Variants in LRRIQ3 observed in about 807,000 individuals in gnomAD.
The protein encoded by LRRIQ3 is leucine-rich repeat and IQ domain-containing protein 3.
Under a neutral mutation model 59.3 loss-of-function variants are expected in LRRIQ3, and 75 were observed. The observed-to-expected ratio is 1.26, with a 90% CI of 1.05 to 1.53. The LOEUF (loss-of-function observed/expected upper bound fraction) is 1.53, where lower values mean the gene tolerates loss of function less well. Among genes scored for constraint, LRRIQ3 ranks in the 40% most tolerant of loss-of-function variants. LRRIQ3 has a pLI of 0.00. For missense variants in LRRIQ3, 831 were observed against 710.0 expected (o/e 1.17, Z -1.94); for synonymous variants, 250 against 231.3 (o/e 1.08, Z -0.73).
At chr1:74,147,844 G>A (rs1373827538) in intron 4 of LRRIQ3, among the ~76,000 whole-genome samples, 2 of 152,066 alleles carry the variant, frequency 1.3e-5, no homozygotes, top group Admixed American at 1.3e-4. Context: ...GACTTAAGAT[G>A]TTTTCAGCTA....
chr1:74,109,322 A>C, intron 5 of LRRIQ3, 72 bp downstream of exon 5: 1 of 1,036,948 alleles, frequency 9.6e-7, no homozygotes, highest in Non-Finnish European at 1.4e-6. Context: ...AAGAAATAAT[A>C]GCGCTACCTA....
intron 4 of LRRIQ3, among the ~76,000 whole-genome samples, chr1:74,151,070 T>C (rs775896805): frequency 2.7e-4 from 36 of 132,924 alleles, no homozygotes; most frequent in Non-Finnish European, 4.0e-4. Flanking sequence ...CAGGCTGGAG[T>C]GCAGTGGCGC....
intron 7 of LRRIQ3, among the ~76,000 whole-genome samples, chr1:74,029,602 G>GT (rs1437592992): frequency 3.3e-5 from 5 of 152,092 alleles, no homozygotes; most frequent in African/African-American, 1.2e-4. Context: ...TGGTATGCCA[G>GT]TATTTTATTG....
chr1:74,154,994 T>C (rs768297005), intron 4 of LRRIQ3, among the ~76,000 whole-genome samples: 8 of 152,198 alleles, frequency 5.3e-5, no homozygotes, highest in Non-Finnish European at 1.2e-4. Context: ...AGGCATTACA[T>C]CTCATTGTGT....
rs59890149 is a variant in LRRIQ3 at position 74,151,011 on chromosome 1, C to CTT, written c.707+4720_707+4721dup. ...AGAAATAGTTATTGAATGATGCTTT[C>CTT]TTTTTTTTTTTTTTTTTTTTTTTTT... On this transcript the variant is annotated intron_variant, in intron 4 of 7. Coordinates refer to ENST00000354431, the MANE Select transcript of LRRIQ3 (RefSeq NM_001105659.2). Among the ~76,000 whole-genome samples, 76 of 63,412 alleles carry CTT rather than the reference C, an allele frequency of 1.2e-3. 3 individuals are homozygous for CTT. The highest frequency in any genetic ancestry group is 3.4e-3 in the African/African-American group (63 of 18,342). 41.6% of individuals were successfully genotyped at this position (63,412 alleles called of 152,430 possible). A position where few individuals can be genotyped will look rare whatever the true frequency, so the allele number is the denominator to read the frequency against.
rs147223375 is a variant in LRRIQ3 at position 74,182,643 on chromosome 1, A to G, written c.468T>C (p.His156=). The change falls in exon 3 of 8, where the codon CAT becomes CAC. Residue 156 remains histidine, a synonymous_variant. Transcript: ENST00000354431. ...NSIWPLKALD[H]HVISDEEIIQ... is the part of the protein sequence containing the mutation. Reference sequence around the variant, plus strand: ...TTATTTCTTCATCAGAAATCACATGATGATCCAGCGCTTTGAGAGGCCATA... The same window carrying G: ...TTATTTCTTCATCAGAAATCACATGGTGATCCAGCGCTTTGAGAGGCCATA... The G allele has an allele frequency of 1.8e-5, 29 of 1,611,080 alleles. No homozygotes were observed. Among genetic ancestry groups the G allele is most frequent in the African/African-American group, 4.0e-5 (3 of 74,850 alleles).
At chr1:74,144,839 TACACAC>T (rs373958318) in intron 4 of LRRIQ3, among the ~76,000 whole-genome samples, 1 of 149,058 alleles carries the variant, frequency 6.7e-6, no homozygotes, top group Admixed American at 6.7e-5. Flanking sequence ...CATGTATGTG[TACACAC>T]ACACACACAC....
chr1:74,055,239 T>G (rs1317441313), intron 6 of LRRIQ3, among the ~76,000 whole-genome samples: 1 of 148,874 alleles, frequency 6.7e-6, no homozygotes, highest in African/African-American at 2.5e-5. Context: ...AAGGGTATGA[T>G]TCAGTGTTTT....
intron 5 of LRRIQ3, chr1:74,083,675 T>C (rs1335544799): frequency 6.6e-6 from 1 of 151,950 alleles, no homozygotes; most frequent in Non-Finnish European, 1.5e-5. Flanking sequence ...TTCAGTGCTG[T>C]TGATGTATAG....
At chr1:74,073,687 T>A (rs1248376936) in intron 6 of LRRIQ3, among the ~76,000 whole-genome samples, 1 of 151,344 alleles carries the variant, frequency 6.6e-6, no homozygotes, top group Non-Finnish European at 1.5e-5. Flanking sequence ...CCACTGGCAA[T>A]GAGGATCTAA....
At chr1:74,073,488 G>A (rs1046299018) in intron 6 of LRRIQ3, among the ~76,000 whole-genome samples, 13 of 151,332 alleles carry the variant, frequency 8.6e-5, no homozygotes, top group African/African-American at 3.2e-4. Context: ...TCAAACTTAG[G>A]TGACAGAGTG....
rs567373729 is a variant in LRRIQ3 at position 74,187,517 on chromosome 1, T to C, written c.1-3833A>G. ...ACCAAATATCATAAGTTCTCACATATAAGTGTGAGCTAAGCTGTGAGGATG... is the reference window on the plus strand; with the variant it reads ...ACCAAATATCATAAGTTCTCACATACAAGTGTGAGCTAAGCTGTGAGGATG... On this transcript the variant is annotated intron_variant, in intron 1 of 7. Transcript: ENST00000354431. 1.9e-3 allele frequency among the ~76,000 whole-genome samples: 284 copies of C among 152,036 alleles called. 1 individual carries two copies. Among genetic ancestry groups the C allele is most frequent in the African/African-American group, 6.7e-3 (277 of 41,428 alleles).
chr1:74,088,825 C>G (rs1043323479), intron 5 of LRRIQ3, among the ~76,000 whole-genome samples: 1 of 151,528 alleles, frequency 6.6e-6, no homozygotes, highest in Non-Finnish European at 1.5e-5. Flanking sequence ...TGTAAGTTTA[C>G]CAAAATAAAA....
intron 3 of LRRIQ3, among the ~76,000 whole-genome samples, chr1:74,170,181 A>G (rs963610537): frequency 6.6e-6 from 1 of 152,006 alleles, no homozygotes; most frequent in Admixed American, 6.6e-5. Flanking sequence ...TTTTAGTTTG[A>G]TGTAGTCTTA....
chr1:74,140,150 T>TA (rs533531757), intron 4 of LRRIQ3, among the ~76,000 whole-genome samples: 444 of 151,926 alleles, frequency 2.9e-3, no homozygotes, highest in African/African-American at 0.01. Flanking sequence ...AGACTGGGTT[T>TA]AAAAAATCAA....
intron 4 of LRRIQ3, among the ~76,000 whole-genome samples, chr1:74,114,593 A>G (rs978704102): frequency 2.0e-5 from 3 of 151,974 alleles, no homozygotes; most frequent in Non-Finnish European, 2.9e-5. Flanking sequence ...AAAATTAGCC[A>G]GGCGTGGTGG....
intron 1 of LRRIQ3, among the ~76,000 whole-genome samples, chr1:74,196,590 T>C (rs1651154422): frequency 6.6e-6 from 1 of 152,182 alleles, no homozygotes; most frequent in Non-Finnish European, 1.5e-5. Flanking sequence ...TTCTGGACCC[T>C]ATTACCCCAA....
At chr1:74,194,488 CT>C (rs1221084046) in intron 1 of LRRIQ3, among the ~76,000 whole-genome samples, 4 of 152,056 alleles carry the variant, frequency 2.6e-5, no homozygotes, top group East Asian at 1.9e-4. Flanking sequence ...GTAATTATAA[CT>C]TTTTTTCTTT....
At chr1:74,073,492 C>G (rs1655086809) in intron 6 of LRRIQ3, among the ~76,000 whole-genome samples, 1 of 151,044 alleles carries the variant, frequency 6.6e-6, no homozygotes, top group South Asian at 2.1e-4. Context: ...ACTTAGGTGA[C>G]AGAGTGAGAC....
Sources: allele counts gnomAD v4.1 joint callset (sites outside exome capture counted in the v4.1 genomes callset), GRCh38; gene constraint gnomAD v4.1.1; transcripts MANE v1.5; gene names NCBI Gene and HGNC (gene_info 2026-07-23, HGNC 2026-07-21).